Variants in MRO observed in about 807,000 individuals in gnomAD.
MRO encodes protein maestro.
Under a neutral mutation model 31.0 loss-of-function variants are expected in MRO, and 28 were observed. The observed-to-expected ratio is 0.90, with a 90% CI of 0.67 to 1.24. The LOEUF is 1.24. Ranked by LOEUF, MRO falls within the 50% of genes most tolerant of loss-of-function variation. The pLI, the probability that MRO is intolerant of heterozygous loss-of-function variation, is 0.00. For synonymous variants in MRO, 108 were observed against 108.4 expected (o/e 1.00, Z 0.02); for missense variants, 332 against 289.2 (o/e 1.15, Z -1.07).
chr18:50,809,509 A>G, intron 2 of MRO, 105 bp from the exon 3 acceptor site: 1 of 703,788 alleles, frequency 1.4e-6, no homozygotes, highest in Non-Finnish European at 2.3e-6. Context: ...AGAGGCAGCA[A>G]TCCTGAGGCC....
upstream of MRO, chr18:50,823,600 A>G (rs1915391068): frequency 1.3e-5 from 2 of 152,230 alleles, no homozygotes; most frequent in African/African-American, 4.8e-5. Context: ...CCCTTGACCC[A>G]GAAAACTCCA....
At chr18:50,805,127 A>G in intron 5 of MRO, 27 bp downstream of exon 5, 1 of 1,589,648 alleles carries the variant, frequency 6.3e-7, no homozygotes, top group Non-Finnish European at 8.6e-7. Context: ...TGATTTCAAT[A>G]ACCCAGAATT....
At position 50,796,157 on chromosome 18, in the gene MRO, G is replaced by A. The variant is rs552810875; in HGVS notation, c.*3180C>T. ...GGGTTGGCATTCAGATAAACGTGGG[G>A]AAGGGGAAACTTGAAATGCACAAGC... On this transcript the variant is annotated 3_prime_UTR_variant, in exon 8 of 8. Transcript: ENST00000398439. 1 of 152,254 alleles carries A rather than the reference G, an allele frequency of 6.6e-6. No homozygotes were observed. The highest frequency in any genetic ancestry group is 1.5e-5 in the Non-Finnish European group (1 of 68,030). 9.4% of individuals were successfully genotyped at this position (152,254 alleles called of 1,614,324 possible).
chr18:50,811,746 CTTTT>C (rs71171344), intron 2 of MRO, among the ~76,000 whole-genome samples: 114 of 80,134 alleles, frequency 1.4e-3, no homozygotes, highest in African/African-American at 5.0e-3. Flanking sequence ...TGTGGTAATT[CTTTT>C]TTTTTTTTTT....
chr18:50,817,278 T>TA (rs1316031004), intron 2 of MRO, among the ~76,000 whole-genome samples: 1 of 152,120 alleles, frequency 6.6e-6, no homozygotes, highest in Non-Finnish European at 1.5e-5. Context: ...GCAGGAAAAG[T>TA]AGAGCATTTC....
At chr18:50,803,116 T>C (rs778831523) in intron 5 of MRO, among the ~76,000 whole-genome samples, 1 of 152,090 alleles carries the variant, frequency 6.6e-6, no homozygotes, top group African/African-American at 2.4e-5. Context: ...CTATCTGTAA[T>C]GGAGATGTAA....
intron 5 of MRO, among the ~76,000 whole-genome samples, chr18:50,802,916 A>AGTGTGTGTGTGT (rs71735972): frequency 0.071 from 10,270 of 144,576 alleles, 366 homozygotes; most frequent in South Asian, 0.15. Flanking sequence ...GTGTGTGTGT[A>AGTGTGTGTGTGT]GTGTGTGTGT....
In MRO at chr18:50,810,749, T is replaced by C. The variant is rs142358853; in HGVS notation, c.-4-1345A>G. ...AAAATAATTTGAAGATCTTGTTCAG[T>C]GTGTCTGCAGCGGGAACTCGAGATT... On this transcript the variant is annotated intron_variant, in intron 2 of 7. Coordinates refer to ENST00000398439, the MANE Select transcript of MRO (RefSeq NM_031939.6). Among the ~76,000 whole-genome samples, 22 of 152,330 alleles carry C rather than the reference T, an allele frequency of 1.4e-4. No homozygotes were observed. The East Asian group carries it at 4.1e-3, about 28-fold the overall frequency.
At chr18:50,799,992 G>A (rs1913137675) in intron 7 of MRO, 44 bp downstream of exon 7, 1 of 1,395,576 alleles carries the variant, frequency 7.2e-7, no homozygotes, top group Non-Finnish European at 1.0e-6. Context: ...CCACCAGGAG[G>A]GCAGGGACCG....
rs899318928 is a variant in MRO at position 50,796,391 on chromosome 18, A to G, written c.*2946T>C. ...GCCCTGCCTTCTGTAGTTTCAATCT[A>G]ACAGGATAAAAAAAAAAACATAAAG... On this transcript the variant is annotated 3_prime_UTR_variant, in exon 8 of 8. Coordinates refer to ENST00000398439, the MANE Select transcript of MRO (RefSeq NM_031939.6). 3.2e-5 allele frequency: 2 copies of G among 62,388 alleles called. No individual in the cohort carries two copies. Among genetic ancestry groups the G allele is most frequent in the Non-Finnish European group, 4.6e-5 (1 of 21,572 alleles). 3.9% of individuals were successfully genotyped at this position (62,388 alleles called of 1,614,324 possible).
At position 50,797,433 on chromosome 18, in the gene MRO, T is replaced by A. The variant is rs944291780; in HGVS notation, c.*1904A>T. 2 of 152,156 alleles carry A rather than the reference T, an allele frequency of 1.3e-5. No individual in the cohort carries two copies. The highest frequency in any genetic ancestry group is 2.9e-5 in the Non-Finnish European group (2 of 68,042). 9.4% of individuals were successfully genotyped at this position (152,156 alleles called of 1,614,324 possible). The stretch of plus-strand genomic sequence containing the variant: ...AAGCAAGTCACAAAGGCAGCCCAGA[T>A]TCAAACAGAAGGGACTAAATAAAGA... On this transcript the variant is annotated 3_prime_UTR_variant, in exon 8 of 8. Coordinates refer to ENST00000398439, the MANE Select transcript of MRO (RefSeq NM_031939.6).
chr18:50,820,119 C>G, upstream of MRO: 1 of 665,092 alleles, frequency 1.5e-6, no homozygotes, highest in Non-Finnish European at 2.6e-6. Context: ...CCAGGCGACC[C>G]CTGCACAAAG....
chr18:50,819,870 T>C lies in MRO; in HGVS notation c.-127+27A>G, dbSNP rs1389123149. ...TGGAATGAAACCGACAAGAATATTG[T>C]AGGGTGGCACAAGCATGACTTGCTA... On this transcript the variant is annotated intron_variant, in intron 1 of 7. Coordinates refer to ENST00000398439, the MANE Select transcript of MRO (RefSeq NM_031939.6). 9 of 1,548,500 alleles carry C rather than the reference T, an allele frequency of 5.8e-6. No individual in the cohort carries two copies. The South Asian group carries it at 6.0e-5, about 10-fold the overall frequency.
At chr18:50,816,530 A>G (rs1914941969) in intron 2 of MRO, among the ~76,000 whole-genome samples, 1 of 152,198 alleles carries the variant, frequency 6.6e-6, no homozygotes, top group African/African-American at 2.4e-5. Context: ...AAAGAAGATC[A>G]TTGTGAATTA....
At chr18:50,816,331 G>GCTTTTT (rs1017970140) in intron 2 of MRO, among the ~76,000 whole-genome samples, 1 of 152,196 alleles carries the variant, frequency 6.6e-6, no homozygotes, top group Non-Finnish European at 1.5e-5. Flanking sequence ...ATCTGCTATA[G>GCTTTTT]CTTTTTCTTT....
At chr18:50,813,720 C>G (rs1914655339) in intron 2 of MRO, among the ~76,000 whole-genome samples, 1 of 152,160 alleles carries the variant, frequency 6.6e-6, no homozygotes, top group African/African-American at 2.4e-5. Flanking sequence ...CCTAAGCAAA[C>G]TAACACAGGA....
At chr18:50,809,276 T>C in intron 3 of MRO, 26 bp downstream of exon 3, 1 of 1,571,866 alleles carries the variant, frequency 6.4e-7, no homozygotes, top group South Asian at 1.1e-5. Flanking sequence ...GGAGGAGAAA[T>C]TTGTTCATAA....
At chr18:50,806,329 C>T (rs550270186) in intron 4 of MRO, among the ~76,000 whole-genome samples, 1 of 152,146 alleles carries the variant, frequency 6.6e-6, no homozygotes, top group Non-Finnish European at 1.5e-5. Flanking sequence ...GGCCTGTAGG[C>T]ATCGAAAGTG....
chr18:50,800,022 C>A lies in MRO; in HGVS notation c.693+14G>T. 6.3e-7 allele frequency: 1 copy of A among 1,590,918 alleles called. No individual in the cohort carries two copies. Among genetic ancestry groups the A allele is most frequent in the Non-Finnish European group, 8.6e-7 (1 of 1,159,558 alleles). ...GGACCGGAAAAGAATTCTCTCCTAC[C>A]CTGGCTCACTCACCAGCTGCTGGTA... On this transcript the variant is annotated intron_variant, in intron 7 of 7. Transcript: ENST00000398439.
Sources: gnomAD v4.1 joint callset for allele counts (sites outside exome capture counted in the v4.1 genomes callset) on GRCh38, gnomAD v4.1.1 for gene constraint, MANE v1.5 for transcripts, NCBI Gene and HGNC (gene_info 2026-07-23, HGNC 2026-07-21) for gene names.